Variants in JPT1 observed in about 807,000 individuals in gnomAD.
JPT1 encodes androgen-regulated protein 2.
In JPT1, 5 loss-of-function variants were observed where a neutral mutation model predicts 17.0. The ratio of observed to expected loss-of-function variants is 0.29; its 90% confidence interval spans 0.15 to 0.62. The LOEUF (loss-of-function observed/expected upper bound fraction) is 0.62, where lower values mean the gene tolerates loss of function less well. JPT1 is among the 20% of genes least tolerant of loss of function. The probability of loss-of-function intolerance (pLI) is 0.85; values close to 1 mark genes in which losing one functional copy is unlikely to be tolerated. For synonymous variants in JPT1, 71 were observed against 73.6 expected, an observed-to-expected ratio of 0.96 and a Z score of 0.18; for missense variants, 158 against 188.1, an observed-to-expected ratio of 0.84 and a Z score of 0.94.
chr17:75,138,818 T>C (rs1436033089), intron 4 of JPT1, among the ~76,000 whole-genome samples: 2 of 152,206 alleles, frequency 1.3e-5, no homozygotes, highest in East Asian at 3.8e-4. Context: ...TGGACAGACA[T>C]TTATTTTATT....
At chr17:75,139,445 T>C (rs2074267647) in intron 4 of JPT1, among the ~76,000 whole-genome samples, 1 of 152,062 alleles carries the variant, frequency 6.6e-6, no homozygotes, top group Non-Finnish European at 1.5e-5. Context: ...TTTTCACAAA[T>C]ACATAACATA....
chr17:75,144,993 T>C (rs1476888377), intron 4 of JPT1, among the ~76,000 whole-genome samples: 1 of 149,300 alleles, frequency 6.7e-6, no homozygotes, highest in Non-Finnish European at 1.5e-5. Context: ...CAAGAAACAC[T>C]GTGAGGCCGG....
In JPT1 at chr17:75,147,769, C is replaced by T. The variant is rs1195411096; in HGVS notation, c.200-116G>A. ...ATCTCAGTGCTTTAGGAGGCCGAGGCGGGCAGATCACCTGAGGTCAGGAGT... is the reference window on the plus strand; with the variant it reads ...ATCTCAGTGCTTTAGGAGGCCGAGGTGGGCAGATCACCTGAGGTCAGGAGT... On this transcript the variant is annotated intron_variant, in intron 2 of 4. Coordinates refer to ENST00000409753, the MANE Select transcript of JPT1 (RefSeq NM_016185.4). 19 of 734,580 alleles carry T rather than the reference C, an allele frequency of 2.6e-5. No individual in the cohort carries two copies. In the African/African-American group the frequency reaches 2.6e-4, roughly 10 times the overall value. 45.5% of individuals were successfully genotyped at this position (734,580 alleles called of 1,614,324 possible). A position where few individuals can be genotyped will look rare whatever the true frequency, so the allele number is the denominator to read the frequency against.
At chr17:75,136,476 A>T (rs1466108149) in intron 4 of JPT1, among the ~76,000 whole-genome samples, 1 of 152,124 alleles carries the variant, frequency 6.6e-6, no homozygotes, top group Middle Eastern at 3.2e-3. Context: ...ACAAATATAT[A>T]AGGACATGAA....
chr17:75,141,445 G>C (rs1449924738), intron 4 of JPT1: 1 of 152,298 alleles, frequency 6.6e-6, no homozygotes, highest in East Asian at 1.9e-4. Context: ...CTGAGGTCAG[G>C]AGTTTGAGAC....
intron 1 of JPT1, chr17:75,154,040 T>C: frequency 5.1e-6 from 1 of 197,426 alleles, no homozygotes; most frequent in Non-Finnish European, 1.0e-5. Context: ...AGCGAAGCCC[T>C]CCCCGAAGGT....
intron 1 of JPT1, 21 bp from the exon 2 acceptor site, chr17:75,148,692 T>C: frequency 6.2e-7 from 1 of 1,613,386 alleles, no homozygotes. Flanking sequence ...TGGCAAAACA[T>C]CAACTTCAGA....
chr17:75,138,111 C>A (rs2074242510), intron 4 of JPT1, among the ~76,000 whole-genome samples: 1 of 151,854 alleles, frequency 6.6e-6, no homozygotes, highest in African/African-American at 2.4e-5. Flanking sequence ...TAGGTGCCCG[C>A]TACAACGCCC....
At chr17:75,151,766 T>C (rs2145197626) in intron 1 of JPT1, among the ~76,000 whole-genome samples, 1 of 152,162 alleles carries the variant, frequency 6.6e-6, no homozygotes, top group South Asian at 2.1e-4. Flanking sequence ...GGTCAGGAGT[T>C]CGAGACCAGC....
chr17:75,139,498 C>T (rs4789146), intron 4 of JPT1, among the ~76,000 whole-genome samples: 73,993 of 151,748 alleles, frequency 0.49, 21,226 homozygotes, highest in Non-Finnish European at 0.65. Context: ...CCTATGGAGA[C>T]TAAACAAGCA....
rs2074438080 is a variant in JPT1, at chr17:75,146,536, A to G, written c.316+130T>C. The G allele has an allele frequency of 7.8e-6, 5 of 642,340 alleles. No homozygotes were observed. In the East Asian group the frequency reaches 1.4e-4, roughly 19 times the overall value. 39.8% of individuals were successfully genotyped at this position (642,340 alleles called of 1,614,324 possible). A position where few individuals can be genotyped will look rare whatever the true frequency, so the allele number is the denominator to read the frequency against. ...GATCGCGTTACTGGCAGATTAGAGTATGGCGGCACTTGGGGCATGGCCAGG... is the reference window on the plus strand; with the variant it reads ...GATCGCGTTACTGGCAGATTAGAGTGTGGCGGCACTTGGGGCATGGCCAGG... On this transcript the variant is annotated intron_variant, in intron 4 of 4. Transcript: ENST00000409753.
chr17:75,150,755 T>C (rs2074533174), intron 1 of JPT1, among the ~76,000 whole-genome samples: 1 of 152,114 alleles, frequency 6.6e-6, no homozygotes, highest in Non-Finnish European at 1.5e-5. Context: ...TGGAAAGACT[T>C]TCTAACTACT....
At chr17:75,136,742 G>C (rs750281866) in intron 4 of JPT1, among the ~76,000 whole-genome samples, 1 of 152,044 alleles carries the variant, frequency 6.6e-6, no homozygotes, top group Non-Finnish European at 1.5e-5. Context: ...CACCTGCCTC[G>C]GCCTCCCAAA....
chr17:75,148,457 G>A, intron 2 of JPT1, 72 bp downstream of exon 2: 1 of 1,558,108 alleles, frequency 6.4e-7, no homozygotes, highest in Non-Finnish European at 8.7e-7. Context: ...ACATGCTGGT[G>A]CCCAAGCTGC....
chr17:75,150,847 C>CTTTCTTTTTTTTTT (rs2074535428), intron 1 of JPT1, among the ~76,000 whole-genome samples: 2 of 65,956 alleles, frequency 3.0e-5, no homozygotes, highest in African/African-American at 8.7e-5. Context: ...ATTTTTCTTT[C>CTTTCTTTTTTTTTT]TTTTTTTTTT....
At chr17:75,152,812 A>G (rs2074574897) in intron 1 of JPT1, 1 of 152,216 alleles carries the variant, frequency 6.6e-6, no homozygotes. Flanking sequence ...CTCATTGGAA[A>G]GAAAACAGAA....
At chr17:75,137,379 C>T (rs1479413292) in intron 4 of JPT1, among the ~76,000 whole-genome samples, 1 of 151,708 alleles carries the variant, frequency 6.6e-6, no homozygotes, top group East Asian at 1.9e-4. Flanking sequence ...GATATTGAGA[C>T]AGGGTCTCAC....
chr17:75,141,960 T>C (rs538531186), intron 4 of JPT1, among the ~76,000 whole-genome samples: 7 of 151,820 alleles, frequency 4.6e-5, no homozygotes, highest in African/African-American at 1.7e-4. Flanking sequence ...TCCCAGATAC[T>C]CAGGAGGCTA....
chr17:75,143,200 A>G (rs2074360852), intron 4 of JPT1, among the ~76,000 whole-genome samples: 1 of 152,118 alleles, frequency 6.6e-6, no homozygotes, highest in Admixed American at 6.5e-5. Flanking sequence ...ATGAAATCAA[A>G]CCTTTTTTGT....
Sources: gnomAD v4.1 joint callset for allele counts (sites outside exome capture counted in the v4.1 genomes callset) on GRCh38, gnomAD v4.1.1 for gene constraint, MANE v1.5 for transcripts, NCBI Gene and HGNC (gene_info 2026-07-23, HGNC 2026-07-21) for gene names.